The following NAV2 variants were observed in gnomAD, a reference collection of about 807,000 sequenced individuals.
The protein encoded by NAV2 is helicase, APC down-regulated 1.
A neutral mutation model predicts 223.2 loss-of-function variants in NAV2; 54 were observed. The observed-to-expected ratio is 0.24, with a 90% confidence interval of 0.19 to 0.30. NAV2 has a LOEUF of 0.30. Among genes scored for constraint, NAV2 ranks in the 10% least tolerant of loss-of-function variants. NAV2 has a pLI of 1.00. For synonymous variants in NAV2, 1,279 were observed against 1,239.3 expected (o/e 1.03, Z -0.67); for missense variants, 2,806 against 3,147.5 (o/e 0.89, Z 2.60).
intron 1 of NAV2, among the ~76,000 whole-genome samples, chr11:19,704,938 G>C (rs1565181656): frequency 6.7e-6 from 1 of 150,300 alleles, no homozygotes; most frequent in Non-Finnish European, 1.5e-5. Flanking sequence ...GTGAACCCGG[G>C]AGGCGGAGCT....
At chr11:19,923,007 C>T (rs963270752) in intron 6 of NAV2, among the ~76,000 whole-genome samples, 2 of 152,150 alleles carry the variant, frequency 1.3e-5, no homozygotes, top group African/African-American at 2.4e-5. Flanking sequence ...TAGCTTTTGA[C>T]CTCCATGCAG....
At chr11:19,995,352 G>C (rs1198805327) in intron 11 of NAV2, among the ~76,000 whole-genome samples, 1 of 152,214 alleles carries the variant, frequency 6.6e-6, no homozygotes, top group East Asian at 1.9e-4. Flanking sequence ...TGGTATTTCA[G>C]TTAGGAGTCA....
intron 11 of NAV2, among the ~76,000 whole-genome samples, chr11:19,988,026 T>TG (rs919587798): frequency 3.0e-4 from 46 of 152,342 alleles, no homozygotes; most frequent in Non-Finnish European, 5.7e-4. Context: ...ATTGAACTCC[T>TG]GCCAGTTCCT....
At chr11:19,548,335 C>G (rs1040916691) in intron 1 of NAV2, among the ~76,000 whole-genome samples, 4 of 152,136 alleles carry the variant, frequency 2.6e-5, no homozygotes, top group African/African-American at 9.7e-5. Context: ...TTCCACAGCC[C>G]TTACAGTGTG....
intron 1 of NAV2, among the ~76,000 whole-genome samples, chr11:19,658,914 G>A (rs1398845477): frequency 1.3e-5 from 2 of 152,180 alleles, no homozygotes; most frequent in Non-Finnish European, 2.9e-5. Flanking sequence ...ATAGAGTCAG[G>A]AAGCCAGGTA....
intron 1 of NAV2, among the ~76,000 whole-genome samples, chr11:19,529,370 G>A (rs564625076): frequency 1.3e-5 from 2 of 152,304 alleles, no homozygotes; most frequent in Admixed American, 1.3e-4. Flanking sequence ...TTAGTGCTGG[G>A]GGTACAGCTG....
At chr11:19,604,408 G>A (rs993218528) in intron 1 of NAV2, among the ~76,000 whole-genome samples, 3 of 152,088 alleles carry the variant, frequency 2.0e-5, no homozygotes, top group South Asian at 2.1e-4. Context: ...TGAAAAAGAG[G>A]AGTCAAAAAT....
At position 20,095,780 on chromosome 11, in the gene NAV2, A is replaced by G. The variant is rs754042583; in HGVS notation, c.6012+13A>G. ...ACGGCTGTTCAAAGTAAGTGTTTCA[A>G]GACAACGGCTACAGCATACTACCTA... On this transcript the variant is annotated intron_variant, in intron 30 of 37. Transcript: ENST00000349880. The G allele has an allele frequency of 6.2e-7, 1 of 1,602,346 alleles. No individual in the cohort carries two copies. Among genetic ancestry groups the G allele is most frequent in the Non-Finnish European group, 8.6e-7 (1 of 1,169,254 alleles).
At chr11:19,505,596 C>T (rs554389465) in intron 1 of NAV2, 13 of 152,276 alleles carry the variant, frequency 8.5e-5, no homozygotes, top group African/African-American at 2.9e-4. Flanking sequence ...GAAGGAAGGC[C>T]TGTACTGGCC....
intron 3 of NAV2, among the ~76,000 whole-genome samples, chr11:19,849,595 C>T (rs2061001735): frequency 6.6e-6 from 1 of 152,210 alleles, no homozygotes; most frequent in South Asian, 2.1e-4. Flanking sequence ...GACCTTGAGC[C>T]CTCCCAACAG....
intron 1 of NAV2, among the ~76,000 whole-genome samples, chr11:19,467,513 A>G (rs934770615): frequency 6.6e-6 from 1 of 152,164 alleles, no homozygotes; most frequent in Admixed American, 6.5e-5. Context: ...TTGGAGGTGA[A>G]ATAACTTGTT....
At chr11:19,511,224 G>T (rs1355045310) in intron 1 of NAV2, 1 of 152,240 alleles carries the variant, frequency 6.6e-6, no homozygotes, top group Non-Finnish European at 1.5e-5. Flanking sequence ...ATGGATGGGA[G>T]AGCAGGCAAA....
At chr11:19,577,349 C>A (rs748052099) in intron 1 of NAV2, among the ~76,000 whole-genome samples, 2 of 152,246 alleles carry the variant, frequency 1.3e-5, no homozygotes, top group Non-Finnish European at 2.9e-5. Context: ...GGCGAAGGAA[C>A]CTGTTGGCTC....
At chr11:19,500,656 A>G (rs1258312812) in intron 1 of NAV2, among the ~76,000 whole-genome samples, 1 of 152,322 alleles carries the variant, frequency 6.6e-6, no homozygotes, top group Non-Finnish European at 1.5e-5. Context: ...CCTTGAACAG[A>G]GTATAATTGA....
chr11:19,659,999 G>A (rs78350101), intron 1 of NAV2, among the ~76,000 whole-genome samples: 2,071 of 152,000 alleles, frequency 0.014, 50 homozygotes, highest in African/African-American at 0.048. Context: ...CTAGTCTATT[G>A]ATCATTTCTC....
intron 1 of NAV2, among the ~76,000 whole-genome samples, chr11:19,556,874 T>C (rs537920891): frequency 5.3e-5 from 8 of 152,326 alleles, no homozygotes; most frequent in African/African-American, 1.9e-4. Context: ...GGTTAGATCA[T>C]GAAATAAAAA....
At chr11:19,521,988 C>A (rs935534785) in intron 1 of NAV2, among the ~76,000 whole-genome samples, 1 of 152,202 alleles carries the variant, frequency 6.6e-6, no homozygotes, top group Admixed American at 6.5e-5. Flanking sequence ...GGGTTTGGAT[C>A]CAGCTCAGTG....
chr11:19,904,858 G>C (rs2042737746), intron 6 of NAV2, among the ~76,000 whole-genome samples: 2 of 152,110 alleles, frequency 1.3e-5, no homozygotes, highest in Admixed American at 6.6e-5. Flanking sequence ...CTACAGGTGA[G>C]GTTTCTTACA....
intron 6 of NAV2, among the ~76,000 whole-genome samples, chr11:19,932,499 A>G (rs1035361144): frequency 6.6e-6 from 1 of 152,112 alleles, no homozygotes; most frequent in Non-Finnish European, 1.5e-5. Context: ...TTGTATTTTT[A>G]GTAGAGACTG....
Sources: allele counts gnomAD v4.1 joint callset (sites outside exome capture counted in the v4.1 genomes callset), GRCh38; gene constraint gnomAD v4.1.1; transcripts MANE v1.5; gene names NCBI Gene and HGNC (gene_info 2026-07-23, HGNC 2026-07-21).